Variants in RASAL2 observed in about 807,000 individuals in gnomAD.
RASAL2 encodes RAS protein activator like 2, also known as ras GTPase-activating protein nGAP.
RASAL2 carries 58 observed loss-of-function variants against 128.9 expected under a neutral mutation model. The ratio of observed to expected loss-of-function variants is 0.45; its 90% CI spans 0.36 to 0.56. RASAL2 has a LOEUF of 0.56. RASAL2 is among the 20% of genes least tolerant of loss of function. The probability of loss-of-function intolerance (pLI) is 0.00; values close to 1 mark genes in which losing one functional copy is unlikely to be tolerated. For missense variants in RASAL2, 1,360 were observed against 1,601.6 expected (o/e 0.85, Z 2.57); for synonymous variants, 561 against 580.8 (o/e 0.97, Z 0.49).
chr1:178,452,900 A>G (rs986995519), intron 11 of RASAL2, among the ~76,000 whole-genome samples: 10 of 152,182 alleles, frequency 6.6e-5, no homozygotes, highest in African/African-American at 2.2e-4. Context: ...ATCTAATAAT[A>G]TAGAGCATGA....
intron 4 of RASAL2, among the ~76,000 whole-genome samples, chr1:178,410,369 A>C (rs1428279092): frequency 6.6e-6 from 1 of 152,200 alleles, no homozygotes; most frequent in Non-Finnish European, 1.5e-5. Flanking sequence ...TACAAAAATC[A>C]ACTCAAGATG....
intron 3 of RASAL2, among the ~76,000 whole-genome samples, chr1:178,309,581 G>A (rs1158300965): frequency 6.6e-6 from 1 of 151,976 alleles, no homozygotes; most frequent in Non-Finnish European, 1.5e-5. Flanking sequence ...TAATACTGAT[G>A]GTAATATTCT....
intron 5 of RASAL2, among the ~76,000 whole-genome samples, chr1:178,438,881 CTGTGTG>C (rs3042589): frequency 0.057 from 7,341 of 129,368 alleles, 208 homozygotes; most frequent in South Asian, 0.095. Context: ...AGCTTCGACT[CTGTGTG>C]TGTGTGTGTG....
intron 1 of RASAL2, among the ~76,000 whole-genome samples, chr1:178,237,170 T>G (rs1038518392): frequency 1.3e-5 from 2 of 152,130 alleles, no homozygotes; most frequent in Non-Finnish European, 2.9e-5. Flanking sequence ...TCAGAAAGTT[T>G]CAGTTACTTC....
rs1352195465 is a variant in RASAL2, at chr1:178,242,422, ATTCTCTCTCTCT to A, written c.203-41141_203-41130del. Among the ~76,000 whole-genome samples, 375 of 92,060 alleles carry A rather than the reference ATTCTCTCTCTCT, an allele frequency of 4.1e-3. 7 individuals carry two copies. The highest frequency in any genetic ancestry group is 0.014 in the African/African-American group (351 of 25,188). 60.4% of individuals were successfully genotyped at this position (92,060 alleles called of 152,430 possible). On this transcript the variant is annotated intron_variant, in intron 1 of 17. Transcript: ENST00000367649. ...CTGCTAATGACAATTTTTATAATTC[ATTCTCTCTCTCT>A]CTCTCTCTCTCTCTCTCTCTCTCTC...
intron 1 of RASAL2, among the ~76,000 whole-genome samples, chr1:178,197,652 A>G (rs61634418): frequency 0.035 from 5,246 of 151,812 alleles, 277 homozygotes; most frequent in African/African-American, 0.12. Flanking sequence ...CTCATAGCTT[A>G]AGACTCGGCA....
At chr1:178,418,279 T>C (rs929144390) in intron 4 of RASAL2, among the ~76,000 whole-genome samples, 60 of 152,366 alleles carry the variant, frequency 3.9e-4, no homozygotes, top group African/African-American at 1.3e-3. Flanking sequence ...ATATGTATTA[T>C]ATGTTGCATT....
intron 9 of RASAL2, among the ~76,000 whole-genome samples, chr1:178,446,125 CA>C (rs1676982575): frequency 6.6e-6 from 1 of 152,204 alleles, no homozygotes; most frequent in South Asian, 2.1e-4. Flanking sequence ...GAATTTTTAA[CA>C]TAACTAATTT....
chr1:178,349,541 C>T (rs1474800382), intron 3 of RASAL2, among the ~76,000 whole-genome samples: 1 of 151,956 alleles, frequency 6.6e-6, no homozygotes, highest in African/African-American at 2.4e-5. Context: ...GATGTATCCT[C>T]AAAACAAAAT....
chr1:178,235,832 A>G (rs1488831797), intron 1 of RASAL2, among the ~76,000 whole-genome samples: 1 of 152,168 alleles, frequency 6.6e-6, no homozygotes, highest in Non-Finnish European at 1.5e-5. Context: ...TCCCACAAGC[A>G]AAAGACTACC....
intron 1 of RASAL2, among the ~76,000 whole-genome samples, chr1:178,213,475 A>G (rs1304905442): frequency 2.0e-5 from 3 of 152,224 alleles, no homozygotes; most frequent in Non-Finnish European, 4.4e-5. Flanking sequence ...TTTATCATAG[A>G]CAAAAACTGG....
intron 17 of RASAL2, 82 bp from the exon 18 acceptor site, chr1:178,472,993 A>G (rs764024974): frequency 2.7e-6 from 4 of 1,478,242 alleles, no homozygotes; most frequent in Non-Finnish European, 3.7e-6. Flanking sequence ...TTTGAGAGAA[A>G]GCACTGGACT....
Position 178,134,016 on chromosome 1 carries a change from T to A in RASAL2, c.202+39322T>A, listed in dbSNP as rs142536161. Among the ~76,000 whole-genome samples the A allele has an allele frequency of 5.9e-3, 895 of 152,326 alleles. 5 individuals are homozygous for A. Among genetic ancestry groups the A allele is most frequent in the Admixed American group, 0.012 (187 of 15,308 alleles). ...ATAATTGAGAGATACTTAAATTTTT[T>A]ATCTATTGCTGTATAACAAACTACC... On this transcript the variant is annotated intron_variant, in intron 1 of 17. Coordinates refer to ENST00000367649, the MANE Select transcript of RASAL2 (RefSeq NM_170692.4).
intron 3 of RASAL2, among the ~76,000 whole-genome samples, chr1:178,372,919 A>C (rs1238637812): frequency 6.6e-6 from 1 of 152,170 alleles, no homozygotes; most frequent in Non-Finnish European, 1.5e-5. Context: ...AATTATTAGG[A>C]AAGTTAGGTT....
intron 10 of RASAL2, 35 bp from the exon 11 acceptor site, chr1:178,452,381 T>C: frequency 1.3e-6 from 2 of 1,554,370 alleles, no homozygotes; most frequent in Non-Finnish European, 1.8e-6. Context: ...GGTACTTCTG[T>C]GTTTAGAGGT....
chr1:178,324,416 A>T (rs1668936131), intron 3 of RASAL2, among the ~76,000 whole-genome samples: 1 of 148,542 alleles, frequency 6.7e-6, no homozygotes, highest in Non-Finnish European at 1.5e-5. Flanking sequence ...ATCTCTAGGA[A>T]AAAAAAAAAA....
intron 1 of RASAL2, among the ~76,000 whole-genome samples, chr1:178,279,374 A>G (rs1244115690): frequency 1.3e-5 from 2 of 152,150 alleles, no homozygotes; most frequent in Admixed American, 6.5e-5. Flanking sequence ...TCTGTTTGTT[A>G]CCATTTTCAC....
rs750108608 is a variant in RASAL2 at position 178,442,790 on chromosome 1, G to A, written c.1043G>A (p.Arg348His). The A allele has an allele frequency of 3.0e-5, 48 of 1,613,578 alleles. No homozygotes were observed. The highest frequency in any genetic ancestry group is 1.5e-4 in the Admixed American group (9 of 59,908). Reference protein sequence around the residue: ...ELCLDDTLFARTTSKTKADNI... With the variant: ...ELCLDDTLFAHTTSKTKADNI... ...TGCCTTGATGATACCCTCTTTGCTC[G>A]TACAACCAGCAAGACCAAAGCAGAC... The change falls in exon 8 of 18, where the codon CGT (arginine) becomes CAT (histidine). Residue 348 changes from arginine to histidine, a missense_variant. Arg to His is a conservative substitution (Grantham distance 29). Around this residue, in one of 3 missense-constraint regions of RASAL2, gnomAD observed 617 missense variants for 714.2 expected, o/e 0.86. Coordinates refer to ENST00000367649, the MANE Select transcript of RASAL2 (RefSeq NM_170692.4).
intron 1 of RASAL2, among the ~76,000 whole-genome samples, chr1:178,185,752 A>G (rs997612747): frequency 6.6e-5 from 10 of 152,138 alleles, no homozygotes; most frequent in Admixed American, 1.3e-4. Flanking sequence ...GTTATGTTAT[A>G]TAATTCTTCC....
Sources: gnomAD v4.1 joint callset for allele counts (sites outside exome capture counted in the v4.1 genomes callset) on GRCh38, gnomAD v4.1.1 for gene constraint, gnomAD v4.1.1 regional missense constraint, MANE v1.5 for transcripts, NCBI Gene and HGNC (gene_info 2026-07-23, HGNC 2026-07-21) for gene names.